XRCC1: variants seen among roughly 807,000 people sequenced by gnomAD.
XRCC1 encodes the protein X-ray repair cross complementing 1.
Under a neutral mutation model 83.3 loss-of-function variants are expected in XRCC1, and 52 were observed. The observed-to-expected ratio is 0.62, with a 90% CI of 0.50 to 0.79. XRCC1 has a LOEUF of 0.79. Ranked by LOEUF, XRCC1 falls within the 30% of genes least tolerant of loss-of-function variation. XRCC1 has a pLI of 0.00. For synonymous variants in XRCC1, 281 were observed against 312.6 expected, an observed-to-expected ratio of 0.90 and a Z score of 1.07; for missense variants, 793 against 823.5, an observed-to-expected ratio of 0.96 and a Z score of 0.45.
chr19:43,546,536 G>A, intron 12 of XRCC1, 59 bp downstream of exon 12: 1 of 1,435,914 alleles, frequency 7.0e-7, no homozygotes, highest in Non-Finnish European at 9.2e-7. Context: ...CAGGCCGCAG[G>A]CCCTCCTCCC....
At chr19:43,558,945 C>G (rs761648453) in intron 3 of XRCC1, among the ~76,000 whole-genome samples, 4 of 151,494 alleles carry the variant, frequency 2.6e-5, no homozygotes, top group Non-Finnish European at 1.5e-5. Flanking sequence ...CAAGACCAGC[C>G]AGGCAATGTA....
chr19:43,562,659 G>A (rs1369022362), intron 2 of XRCC1, among the ~76,000 whole-genome samples: 4 of 152,118 alleles, frequency 2.6e-5, no homozygotes, highest in East Asian at 1.9e-4. Context: ...AAGGAGGATC[G>A]CGTGAGCCTG....
At chr19:43,569,493 A>G (rs1287157340) in intron 2 of XRCC1, among the ~76,000 whole-genome samples, 1 of 142,388 alleles carries the variant, frequency 7.0e-6, no homozygotes, top group East Asian at 2.1e-4. Flanking sequence ...AAAAAAAAAG[A>G]CAATAGGAGT....
At chr19:43,553,229 C>T (rs1972600528) in intron 6 of XRCC1, 138 bp from the exon 7 acceptor site, 1 of 1,186,460 alleles carries the variant, frequency 8.4e-7, no homozygotes, top group Non-Finnish European at 1.2e-6. Flanking sequence ...TCTCAACCCT[C>T]AGGACACAAG....
intron 2 of XRCC1, among the ~76,000 whole-genome samples, chr19:43,574,051 T>G (rs879436500): frequency 6.6e-6 from 1 of 152,112 alleles, no homozygotes; most frequent in Non-Finnish European, 1.5e-5. Context: ...ACAGGTAACG[T>G]TGAATAATGC....
intron 10 of XRCC1, among the ~76,000 whole-genome samples, chr19:43,549,687 T>C (rs1380253545): frequency 3.9e-5 from 6 of 152,122 alleles, no homozygotes. Context: ...CTCCCAAGTA[T>C]CTACGACTAC....
intron 3 of XRCC1, among the ~76,000 whole-genome samples, chr19:43,558,360 A>G (rs1217475015): frequency 6.6e-6 from 1 of 151,820 alleles, no homozygotes; most frequent in Non-Finnish European, 1.5e-5. Flanking sequence ...GGCCAGGTAC[A>G]CACAGCAGCT....
At chr19:43,557,823 AG>A (rs1972654887) in intron 3 of XRCC1, among the ~76,000 whole-genome samples, 1 of 137,648 alleles carries the variant, frequency 7.3e-6, no homozygotes, top group Admixed American at 7.3e-5. Flanking sequence ...AAAAAAAGGA[AG>A]GAGGGAGGGA....
chr19:43,559,676 T>G (rs2146060031), intron 3 of XRCC1, among the ~76,000 whole-genome samples: 1 of 152,148 alleles, frequency 6.6e-6, no homozygotes, highest in East Asian at 1.9e-4. Context: ...TCCCTGAACC[T>G]GGAAATGTGG....
chr19:43,546,848 A>C (rs1454200676), intron 11 of XRCC1, 36 bp downstream of exon 11: 2 of 1,611,006 alleles, frequency 1.2e-6, no homozygotes, highest in Non-Finnish European at 1.7e-6. Context: ...TCATCCTCCC[A>C]CTACACCCTC....
intron 5 of XRCC1, 46 bp from the exon 6 acceptor site, chr19:43,553,558 G>A (rs2146052899): frequency 6.2e-7 from 1 of 1,612,826 alleles, no homozygotes. Context: ...GCTGGCAGGT[G>A]GGGGTGGAGA....
At chr19:43,552,656 C>G in intron 8 of XRCC1, 141 bp downstream of exon 8, 2 of 815,588 alleles carry the variant, frequency 2.5e-6, no homozygotes, top group Non-Finnish European at 3.8e-6. Context: ...ATCCAGGCCC[C>G]CAGCCCCTCC....
chr19:43,551,857 CAGAG>C lies in XRCC1; in HGVS notation c.1082+156_1082+159del, dbSNP rs138896041. Among the ~76,000 whole-genome samples, 14 of 152,196 alleles carry C rather than the reference CAGAG, an allele frequency of 9.2e-5. No individual in the cohort carries two copies. The East Asian group carries it at 2.7e-3, about 29-fold the overall frequency. ...GAGACCAAGGGAGAGATGCAAAAAT[CAGAG>C]AGAAGACAAAGGCTACAGAATGCAG... On this transcript the variant is annotated intron_variant, in intron 9 of 16. Transcript: ENST00000262887.
At chr19:43,564,270 C>T (rs1365388713) in intron 2 of XRCC1, among the ~76,000 whole-genome samples, 1 of 152,146 alleles carries the variant, frequency 6.6e-6, no homozygotes, top group Non-Finnish European at 1.5e-5. Flanking sequence ...GCCCAGCAAC[C>T]GTTTGCAGAA....
At position 43,564,796 on chromosome 19, in the gene XRCC1, C is replaced by CAA. The variant is rs71336879; in HGVS notation, c.145-3778_145-3777dup. On this transcript the variant is annotated intron_variant, in intron 2 of 16. Transcript: ENST00000262887. ...AGAGCGAAACTCCGTCTCAAAAAAACAAAAAAAAAACACACAAATTTAATA... is the reference window on the plus strand; with the variant it reads ...AGAGCGAAACTCCGTCTCAAAAAAACAAAAAAAAAAAACACACAAATTTAATA... 1.1e-3 allele frequency among the ~76,000 whole-genome samples: 162 copies of CAA among 148,524 alleles called. 3 individuals carry two copies. Among genetic ancestry groups the CAA allele is most frequent in the Middle Eastern group, 3.4e-3 (1 of 292 alleles).
At chr19:43,562,961 T>C (rs1972715471) in intron 2 of XRCC1, among the ~76,000 whole-genome samples, 1 of 152,232 alleles carries the variant, frequency 6.6e-6, no homozygotes, top group Admixed American at 6.5e-5. Context: ...GAAGTGGTTA[T>C]GTAACTTCAC....
At position 43,564,415 on chromosome 19, in the gene XRCC1, G is replaced by A. The variant is rs149308394; in HGVS notation, c.145-3395C>T. Among the ~76,000 whole-genome samples, 1,107 of 152,154 alleles carry A rather than the reference G, an allele frequency of 7.3e-3. 10 individuals carry two copies. Among genetic ancestry groups the A allele is most frequent in the African/African-American group, 0.024 (980 of 41,512 alleles). On this transcript the variant is annotated intron_variant, in intron 2 of 16. Transcript: ENST00000262887. ...GAGGATCATCATGGCTAACATTTTCGGATTCTCACCATGTGCCAGGTGCTT... is the reference window on the plus strand; with the variant it reads ...GAGGATCATCATGGCTAACATTTTCAGATTCTCACCATGTGCCAGGTGCTT...
At chr19:43,544,672 A>G (rs916776794) in intron 14 of XRCC1, among the ~76,000 whole-genome samples, 25 of 151,982 alleles carry the variant, frequency 1.6e-4, no homozygotes, top group African/African-American at 6.0e-4. Context: ...AAGCCAGACT[A>G]ATTTTTAAAC....
chr19:43,556,182 C>A (rs1163973746), intron 3 of XRCC1, among the ~76,000 whole-genome samples: 1 of 152,110 alleles, frequency 6.6e-6, no homozygotes, highest in African/African-American at 2.4e-5. Flanking sequence ...GCCACCACAC[C>A]CAGCTAGAAC....
Sources: gnomAD v4.1 joint callset for allele counts (sites outside exome capture counted in the v4.1 genomes callset) on GRCh38, gnomAD v4.1.1 for gene constraint, MANE v1.5 for transcripts, NCBI Gene and HGNC (gene_info 2026-07-23, HGNC 2026-07-21) for gene names.